ZNF532: variants seen among roughly 807,000 people sequenced by gnomAD.
ZNF532 encodes the protein zinc finger protein 532.
In ZNF532, 22 loss-of-function variants were observed where a neutral mutation model predicts 89.3. The ratio of observed to expected loss-of-function variants is 0.25; its 90% CI spans 0.18 to 0.35. The LOEUF (loss-of-function observed/expected upper bound fraction) is 0.35. Ranked by LOEUF, ZNF532 falls within the 10% of genes least tolerant of loss-of-function variation. The pLI is 1.00. For synonymous variants in ZNF532, 606 were observed against 649.6 expected (o/e 0.93, Z 1.02); for missense variants, 1,132 against 1,643.4 (o/e 0.69, Z 5.38).
intron 7 of ZNF532, among the ~76,000 whole-genome samples, chr18:58,959,927 A>T (rs2065185753): frequency 6.6e-6 from 1 of 152,026 alleles, no homozygotes; most frequent in African/African-American, 2.4e-5. Flanking sequence ...ACCACTTCTA[A>T]GTAGATTTTT....
At chr18:58,983,919 A>G (rs2147791503) in intron 9 of ZNF532, 53 bp from the exon 10 acceptor site, 5 of 1,549,770 alleles carry the variant, frequency 3.2e-6, no homozygotes, top group Non-Finnish European at 4.3e-6. Flanking sequence ...TCATTTATCA[A>G]CCACCGTGAA....
chr18:58,958,151 AAAAATGAATT>A (rs1372762907), intron 7 of ZNF532, among the ~76,000 whole-genome samples: 3 of 151,834 alleles, frequency 2.0e-5, no homozygotes, highest in African/African-American at 7.2e-5. Flanking sequence ...GCTCTTTTTA[AAAAATGAATT>A]GTCAGTATCT....
intron 7 of ZNF532, among the ~76,000 whole-genome samples, chr18:58,971,409 A>G (rs969626045): frequency 1.3e-5 from 2 of 152,236 alleles, no homozygotes; most frequent in African/African-American, 2.4e-5. Flanking sequence ...AGTGGTCTCA[A>G]TCAGGGATCA....
At chr18:58,954,052 C>T (rs1194223990) in intron 7 of ZNF532, 2 of 982,458 alleles carry the variant, frequency 2.0e-6, no homozygotes, top group African/African-American at 1.7e-5. Context: ...GGTAAGTTAC[C>T]TATCACATTC....
intron 2 of ZNF532, among the ~76,000 whole-genome samples, chr18:58,880,768 G>GCA (rs2057837971): frequency 1.4e-5 from 2 of 145,306 alleles, no homozygotes; most frequent in South Asian, 2.2e-4. Context: ...GCGCACGCGC[G>GCA]CGCGTCTGTG....
chr18:58,975,978 G>A (rs1387301953), intron 7 of ZNF532, among the ~76,000 whole-genome samples: 1 of 152,144 alleles, frequency 6.6e-6, no homozygotes, highest in Non-Finnish European at 1.5e-5. Flanking sequence ...CTGAAATGCT[G>A]TTTTCCCATT....
intron 3 of ZNF532, among the ~76,000 whole-genome samples, chr18:58,927,489 C>T (rs2061619842): frequency 6.6e-6 from 1 of 151,930 alleles, no homozygotes; most frequent in Admixed American, 6.6e-5. Flanking sequence ...GGGTTGCTAG[C>T]TTCTTCAGCT....
intron 2 of ZNF532, among the ~76,000 whole-genome samples, chr18:58,866,896 T>C (rs1470009103): frequency 6.6e-6 from 1 of 152,234 alleles, no homozygotes; most frequent in Non-Finnish European, 1.5e-5. Context: ...TACCAGTAAA[T>C]AGCTTACATG....
At position 58,919,788 on chromosome 18, in the gene ZNF532, C is replaced by A. The variant is rs1465639754; in HGVS notation, c.1501C>A (p.Gln501Lys). The A allele has an allele frequency of 1.9e-5, 31 of 1,613,966 alleles. No individual in the cohort carries two copies. The highest frequency in any genetic ancestry group is 2.6e-5 in the Non-Finnish European group (31 of 1,179,966). ...SAIIKAANAI[Q>K]QQTVVVPASS... ...CATCATTAAAGCTGCCAACGCCATC[C>A]AGCAGCAAACTGTCGTGGTGCCGGC... Residue 501 changes from glutamine (Q) to lysine (K), a missense_variant, in exon 3 of 10, where the codon CAG (glutamine) becomes AAG (lysine). Gln to Lys is a moderately conservative substitution (Grantham distance 53). Coordinates refer to ENST00000591808, the MANE Select transcript of ZNF532 (RefSeq NM_001375912.1). This position sits in a 1 kb window ranked among gnomAD's most constrained non-coding sequence, Gnocchi z 6.1.
At chr18:58,905,934 G>T (rs886653901) in intron 2 of ZNF532, among the ~76,000 whole-genome samples, 3 of 152,118 alleles carry the variant, frequency 2.0e-5, no homozygotes, top group Non-Finnish European at 2.9e-5. Context: ...GTTGTAGGAG[G>T]TCCCACCATT....
At position 58,918,975 on chromosome 18, in the gene ZNF532, A is replaced by G; in HGVS notation, c.688A>G (p.Ser230Gly). Reference sequence around the variant, plus strand: ...AAAAGCAGAGGATAAATTGAAGGAAAGCTCTGACAAGGTGCTGGAAAACAG... The same window carrying G: ...AAAAGCAGAGGATAAATTGAAGGAAGGCTCTGACAAGGTGCTGGAAAACAG... ...VRKAEDKLKE[S>G]SDKVLENRVL... is the part of the protein sequence containing the mutation. The change falls in exon 3 of 10, where the codon AGC becomes GGC. Residue 230 changes from serine to glycine, a missense_variant. This residue lies in a region of ZNF532 where 302 missense variants were observed against 319.8 expected (regional missense o/e 0.94). Transcript: ENST00000591808. 1 of 1,613,560 alleles carries G rather than the reference A, an allele frequency of 6.2e-7. No individual in the cohort carries two copies. Among genetic ancestry groups the G allele is most frequent in the African/African-American group, 1.3e-5 (1 of 75,060 alleles).
At chr18:58,965,037 AT>A (rs2065785500) in intron 7 of ZNF532, among the ~76,000 whole-genome samples, 1 of 148,356 alleles carries the variant, frequency 6.7e-6, no homozygotes, top group Non-Finnish European at 1.5e-5. Flanking sequence ...TTTTATTATA[AT>A]TTATATTTTA....
chr18:58,953,574 G>A lies in ZNF532; in HGVS notation c.2925G>A (p.Leu975=), dbSNP rs1603284706. Reference sequence around the variant, plus strand: ...GGCCTCCAAACTTGGGTATAAACTTGCCTTTGAGCATTAAGCCTGCAACTC... The same window carrying A: ...GGCCTCCAAACTTGGGTATAAACTTACCTTTGAGCATTAAGCCTGCAACTC... ...IEGPPNLGIN[L]PLSIKPATQN... Residue 975 remains leucine, a synonymous_variant, in exon 7 of 10, where the codon TTG becomes TTA. Transcript: ENST00000591808. 6.2e-7 allele frequency: 1 copy of A among 1,613,590 alleles called. No homozygotes were observed. The highest frequency in any genetic ancestry group is 2.2e-5 in the East Asian group (1 of 44,888).
Position 58,899,482 on chromosome 18 carries a change from T to A in ZNF532, c.-17-18789T>A, listed in dbSNP as rs148957055. The stretch of plus-strand genomic sequence containing the variant: ...CTTAATTTTATTTATTTATTTATTT[T>A]TTTTGAGATGGAGTCTTGCTCTGTC... On this transcript the variant is annotated intron_variant, in intron 2 of 9. Transcript: ENST00000591808. Among the ~76,000 whole-genome samples the A allele has an allele frequency of 5.5e-3, 831 of 152,250 alleles. 7 individuals are homozygous for A. The highest frequency in any genetic ancestry group is 0.016 in the African/African-American group (685 of 41,534).
chr18:58,893,141 G>A (rs1309055099), intron 2 of ZNF532, among the ~76,000 whole-genome samples: 4 of 151,982 alleles, frequency 2.6e-5, no homozygotes, highest in Non-Finnish European at 5.9e-5. Context: ...ACCGCACCCA[G>A]CTAATTTTTG....
intron 7 of ZNF532, among the ~76,000 whole-genome samples, chr18:58,964,531 TTGTTTGTG>T (rs1437891413): frequency 2.1e-4 from 29 of 137,036 alleles, no homozygotes; most frequent in East Asian, 8.4e-4. Flanking sequence ...AATTGATATT[TTGTTTGTG>T]TGTGTGTGTG....
intron 7 of ZNF532, among the ~76,000 whole-genome samples, chr18:58,970,497 T>C (rs1421435448): frequency 6.6e-6 from 1 of 152,136 alleles, no homozygotes; most frequent in African/African-American, 2.4e-5. Context: ...TCTAGACAAA[T>C]AGGGCAGCAA....
chr18:58,966,732 T>C (rs1169865138), intron 7 of ZNF532, among the ~76,000 whole-genome samples: 1 of 129,718 alleles, frequency 7.7e-6, no homozygotes, highest in Non-Finnish European at 1.5e-5. Flanking sequence ...AAAGGCATTT[T>C]TTTGTGTTTT....
intron 2 of ZNF532, among the ~76,000 whole-genome samples, chr18:58,899,851 A>G (rs2059488988): frequency 6.6e-6 from 1 of 151,980 alleles, no homozygotes; most frequent in African/African-American, 2.4e-5. Context: ...GTCTGTCTTT[A>G]TTTTCTAGTT....
Sources: allele counts gnomAD v4.1 joint callset (sites outside exome capture counted in the v4.1 genomes callset), GRCh38; gene constraint gnomAD v4.1.1; regional missense constraint gnomAD v4.1.1; non-coding constraint Gnocchi (gnomAD v3.1); transcripts MANE v1.5; gene names NCBI Gene and HGNC (gene_info 2026-07-23, HGNC 2026-07-21).